Variants in CTDSPL observed in about 807,000 individuals in gnomAD.
CTDSPL encodes CTD small phosphatase-like protein.
Under a neutral mutation model 30.5 loss-of-function variants are expected in CTDSPL, and 8 were observed. The ratio of observed to expected loss-of-function variants is 0.26; its 90% CI spans 0.15 to 0.47. The LOEUF (loss-of-function observed/expected upper bound fraction) is 0.47, where lower values mean the gene tolerates loss of function less well. Among genes scored for constraint, CTDSPL ranks in the 20% least tolerant of loss-of-function variants. The probability of loss-of-function intolerance (pLI) is 0.99; values close to 1 mark genes in which losing one functional copy is unlikely to be tolerated. For missense variants in CTDSPL, 248 were observed against 366.1 expected (o/e 0.68, Z 2.63); for synonymous variants, 110 against 137.9 (o/e 0.80, Z 1.42).
chr3:37,984,275 C>G lies in CTDSPL; in HGVS notation c.*3408C>G, dbSNP rs190465310. ...GCTTCTCTGCAGACTGACACACCCT[C>G]CCCCACCCCGGGTAGTGGAGATGCT... On this transcript the variant is annotated 3_prime_UTR_variant, in exon 8 of 8. Coordinates refer to ENST00000273179, the MANE Select transcript of CTDSPL (RefSeq NM_001008392.2). 4.4e-6 allele frequency: 2 copies of G among 456,974 alleles called. No individual in the cohort carries two copies. The highest frequency in any genetic ancestry group is 8.8e-6 in the Non-Finnish European group (2 of 227,042). 28.3% of individuals were successfully genotyped at this position (456,974 alleles called of 1,614,324 possible). A position where few individuals can be genotyped will look rare whatever the true frequency, so the allele number is the denominator to read the frequency against.
rs959454649 is a variant in CTDSPL at position 37,981,964 on chromosome 3, G to A, written c.*1097G>A. Reference sequence around the variant, plus strand: ...ATGCTCACTGCTAAGCTACAAACTCGGACAGGGTCAGAAACAGAGGTGTCC... The same window carrying A: ...ATGCTCACTGCTAAGCTACAAACTCAGACAGGGTCAGAAACAGAGGTGTCC... On this transcript the variant is annotated 3_prime_UTR_variant, in exon 8 of 8. Transcript: ENST00000273179. The A allele has an allele frequency of 1.8e-5, 8 of 450,932 alleles. No homozygotes were observed. The highest frequency in any genetic ancestry group is 9.4e-5 in the South Asian group (6 of 64,092). 27.9% of individuals were successfully genotyped at this position (450,932 alleles called of 1,614,324 possible). A position where few individuals can be genotyped will look rare whatever the true frequency, so the allele number is the denominator to read the frequency against.
intron 1 of CTDSPL, among the ~76,000 whole-genome samples, chr3:37,922,386 A>G (rs542001838): frequency 2.0e-5 from 3 of 152,272 alleles, no homozygotes; most frequent in South Asian, 4.1e-4. Context: ...GGCCTGTCCC[A>G]AGACTGAGCC....
chr3:37,972,680 A>G (rs1699381035), intron 6 of CTDSPL, among the ~76,000 whole-genome samples: 1 of 152,128 alleles, frequency 6.6e-6, no homozygotes, highest in South Asian at 2.1e-4. Context: ...CTCCCCCTTC[A>G]CAGGTGTGGC....
chr3:37,947,641 AG>A (rs1284063301), intron 2 of CTDSPL, among the ~76,000 whole-genome samples: 1 of 152,224 alleles, frequency 6.6e-6, no homozygotes, highest in Non-Finnish European at 1.5e-5. Context: ...TACCAAGAAA[AG>A]TAACCTTTTT....
At chr3:37,970,201 T>C (rs901230774) in intron 5 of CTDSPL, among the ~76,000 whole-genome samples, 5 of 152,190 alleles carry the variant, frequency 3.3e-5, no homozygotes, top group African/African-American at 4.8e-5. Flanking sequence ...CCACTTCTTC[T>C]CAACCTTATT....
chr3:37,939,163 G>A (rs1310517533), intron 1 of CTDSPL, among the ~76,000 whole-genome samples: 1 of 150,238 alleles, frequency 6.7e-6, no homozygotes, highest in Admixed American at 6.7e-5. Flanking sequence ...CATGTTCACA[G>A]TGAGACCCTG....
At chr3:37,922,244 A>C (rs1575299758) in intron 1 of CTDSPL, among the ~76,000 whole-genome samples, 1 of 151,982 alleles carries the variant, frequency 6.6e-6, no homozygotes, top group East Asian at 1.9e-4. Context: ...CAAGGAAAAA[A>C]AAAAAGAGTA....
chr3:37,868,158 C>G (rs1698033800), intron 1 of CTDSPL, among the ~76,000 whole-genome samples: 1 of 151,994 alleles, frequency 6.6e-6, no homozygotes, highest in Non-Finnish European at 1.5e-5. Context: ...ATTTGCATTT[C>G]CCTGATGGCT....
At chr3:37,957,087 G>A in intron 2 of CTDSPL, 24 bp from the exon 3 acceptor site, 1 of 1,589,248 alleles carries the variant, frequency 6.3e-7, no homozygotes. Context: ...ACCTGACAAT[G>A]ATTTTTTTTT....
rs1699409793 is a variant in CTDSPL, at chr3:37,975,045, A to G, written c.520-664A>G. Among the ~76,000 whole-genome samples, 1 of 152,210 alleles carries G rather than the reference A, an allele frequency of 6.6e-6. No homozygotes were observed. The highest frequency in any genetic ancestry group is 1.5e-5 in the Non-Finnish European group (1 of 68,040). ...TGAGGGAAACAACCCAGAAAGGAAG[A>G]TAGATGTGGCTCTAGGTGGATGGGA... is the stretch of plus-strand genomic sequence containing the variant. On this transcript the variant is annotated intron_variant, in intron 6 of 7. Transcript: ENST00000273179. This position sits in a 1 kb window ranked among gnomAD's most constrained non-coding sequence, Gnocchi z 4.9.
chr3:37,896,079 C>T (rs185390076), intron 1 of CTDSPL, among the ~76,000 whole-genome samples: 27 of 152,194 alleles, frequency 1.8e-4, no homozygotes, highest in Admixed American at 1.2e-3. Flanking sequence ...CACATTTGTT[C>T]TCAGTTTCTT....
intron 1 of CTDSPL, among the ~76,000 whole-genome samples, chr3:37,913,166 G>A (rs115943000): frequency 3.6e-4 from 54 of 152,070 alleles, no homozygotes; most frequent in Non-Finnish European, 6.8e-4. Flanking sequence ...ACAAAAACGC[G>A]TAAATTAGCC....
At chr3:37,933,892 A>G (rs1698884676) in intron 1 of CTDSPL, among the ~76,000 whole-genome samples, 1 of 152,244 alleles carries the variant, frequency 6.6e-6, no homozygotes, top group African/African-American at 2.4e-5. Context: ...TTGATGGACA[A>G]CTAGATTGTT....
chr3:37,960,111 C>T (rs530893520), intron 3 of CTDSPL, among the ~76,000 whole-genome samples: 20 of 152,006 alleles, frequency 1.3e-4, no homozygotes, highest in Admixed American at 9.2e-4. Flanking sequence ...CCACTGAGGC[C>T]GAGGTGGGCG....
intron 1 of CTDSPL, among the ~76,000 whole-genome samples, chr3:37,914,063 A>G (rs1698614697): frequency 6.6e-6 from 1 of 152,246 alleles, no homozygotes; most frequent in Non-Finnish European, 1.5e-5. Flanking sequence ...CTTTAAAACC[A>G]TGAACATAGT....
At chr3:37,886,922 C>A (rs1698269388) in intron 1 of CTDSPL, among the ~76,000 whole-genome samples, 1 of 152,168 alleles carries the variant, frequency 6.6e-6, no homozygotes, top group Admixed American at 6.5e-5. Flanking sequence ...ACACAGGGAG[C>A]TTTCAGATCA....
At position 37,862,299 on chromosome 3, in the gene CTDSPL, C is replaced by A; in HGVS notation, c.79+21C>A. The A allele has an allele frequency of 6.8e-7, 1 of 1,478,968 alleles. No homozygotes were observed. The highest frequency in any genetic ancestry group is 8.9e-7 in the Non-Finnish European group (1 of 1,117,734). 91.6% of individuals were successfully genotyped at this position (1,478,968 alleles called of 1,614,324 possible). ...GAAAGGTGAGGAGGGGCGCAGGCGG[C>A]CGCGGGCTGGGGGCGAGCGCACACC... is the stretch of plus-strand genomic sequence containing the variant. On this transcript the variant is annotated intron_variant, in intron 1 of 7. Coordinates refer to ENST00000273179, the MANE Select transcript of CTDSPL (RefSeq NM_001008392.2). This position sits in a 1 kb window ranked among gnomAD's most constrained non-coding sequence, Gnocchi z 4.3.
intron 7 of CTDSPL, 48 bp from the exon 8 acceptor site, chr3:37,980,694 C>A: frequency 6.2e-7 from 1 of 1,606,018 alleles, no homozygotes; most frequent in Non-Finnish European, 8.5e-7. Flanking sequence ...GGAGCAGCCC[C>A]CAGCGCTAGA....
At chr3:37,974,389 C>T (rs571665550) in intron 6 of CTDSPL, among the ~76,000 whole-genome samples, 2 of 152,366 alleles carry the variant, frequency 1.3e-5, no homozygotes, top group Admixed American at 1.3e-4. Flanking sequence ...ACTTGCTCTG[C>T]ACTCCACTAC....
Sources: gnomAD v4.1 joint callset for allele counts (sites outside exome capture counted in the v4.1 genomes callset) on GRCh38, gnomAD v4.1.1 for gene constraint, Gnocchi (gnomAD v3.1) non-coding constraint, MANE v1.5 for transcripts, NCBI Gene and HGNC (gene_info 2026-07-23, HGNC 2026-07-21) for gene names.